Variants in DOCK1 observed in about 807,000 individuals in gnomAD.
DOCK1 encodes the protein dedicator of cytokinesis protein 1.
DOCK1 carries 138 observed loss-of-function variants against 262.7 expected under a neutral mutation model. That is an observed-to-expected ratio of 0.53 (90% CI 0.46 to 0.61). The LOEUF (loss-of-function observed/expected upper bound fraction) is 0.61, where lower values mean the gene tolerates loss of function less well. DOCK1 is among the 20% of genes least tolerant of loss of function. DOCK1 has a pLI of 0.00. For synonymous variants in DOCK1, 866 were observed against 867.4 expected (o/e 1.00, Z 0.03); for missense variants, 1,908 against 2,370.7 (o/e 0.80, Z 4.05).
rs1275288378 is a variant in DOCK1 at position 127,032,099 on chromosome 10, TG to T, written c.1729-37del. Reference sequence around the variant, plus strand: ...GGCAAAAATGGTGTGTTGCTGTTTGTGAATTGCCTTTGACATACGGCATGAC... The same window carrying T: ...GGCAAAAATGGTGTGTTGCTGTTTGTAATTGCCTTTGACATACGGCATGAC... On this transcript the variant is annotated intron_variant, in intron 17 of 51. Coordinates refer to ENST00000623213, the MANE Select transcript of DOCK1 (RefSeq NM_001290223.2). The T allele has an allele frequency of 2.6e-6, 4 of 1,561,492 alleles. No homozygotes were observed. The Admixed American group carries it at 5.8e-5, about 23-fold the overall frequency.
chr10:127,061,578 C>A, intron 22 of DOCK1, 90 bp from the exon 23 acceptor site: 1 of 1,089,892 alleles, frequency 9.2e-7, no homozygotes, highest in Admixed American at 2.1e-5. Context: ...ACTTGTCACC[C>A]AAGTGATTCC....
chr10:127,368,755 C>T (rs557387433), intron 33 of DOCK1, among the ~76,000 whole-genome samples: 57 of 152,176 alleles, frequency 3.7e-4, no homozygotes, highest in Admixed American at 9.2e-4. Context: ...TCCCGTGGAC[C>T]GCACTCCAAG....
chr10:127,160,137 GAAAA>G (rs200473636), intron 27 of DOCK1, among the ~76,000 whole-genome samples: 1 of 128,504 alleles, frequency 7.8e-6, no homozygotes, highest in Non-Finnish European at 1.7e-5. Context: ...GGTCAGGAAA[GAAAA>G]AAAAAAAAAA....
At chr10:127,090,794 C>T (rs74158611) in intron 23 of DOCK1, among the ~76,000 whole-genome samples, 2,139 of 152,180 alleles carry the variant, frequency 0.014, 62 homozygotes, top group African/African-American at 0.048. Flanking sequence ...TTAGTATATT[C>T]TCAGGGTTCA....
At chr10:127,202,023 A>G (rs1218456143) in intron 27 of DOCK1, among the ~76,000 whole-genome samples, 1 of 152,114 alleles carries the variant, frequency 6.6e-6, no homozygotes, top group Non-Finnish European at 1.5e-5. Context: ...ACTTCTGATC[A>G]GAACTAGGGC....
intron 12 of DOCK1, among the ~76,000 whole-genome samples, chr10:127,018,317 T>C (rs908315691): frequency 3.9e-5 from 6 of 152,214 alleles, no homozygotes; most frequent in Non-Finnish European, 7.3e-5. Flanking sequence ...CCCCTGCCTT[T>C]GTCTTTCCTG....
intron 44 of DOCK1, among the ~76,000 whole-genome samples, chr10:127,417,246 T>C (rs930159716): frequency 1.3e-5 from 2 of 152,184 alleles, no homozygotes; most frequent in Admixed American, 6.5e-5. Context: ...CGTGGCCCAG[T>C]GTGAGGAGGA....
chr10:127,362,884 C>T lies in DOCK1; in HGVS notation c.3432+672C>T, dbSNP rs866888745. On this transcript the variant is annotated intron_variant, in intron 33 of 51. Coordinates refer to ENST00000623213, the MANE Select transcript of DOCK1 (RefSeq NM_001290223.2). ...ATCCCCACACACACACATACACATC[C>T]CCACACACACACACATGTACATCTC... Among the ~76,000 whole-genome samples, 512 of 145,034 alleles carry T rather than the reference C, an allele frequency of 3.5e-3. 3 individuals are homozygous for T. The highest frequency in any genetic ancestry group is 3.8e-3 in the East Asian group (19 of 5,036).
intron 23 of DOCK1, among the ~76,000 whole-genome samples, chr10:127,078,907 G>C (rs970917399): frequency 2.6e-5 from 4 of 152,136 alleles, no homozygotes; most frequent in African/African-American, 7.2e-5. Context: ...TAAAGACAGC[G>C]TGTTGGGAGC....
intron 33 of DOCK1, among the ~76,000 whole-genome samples, chr10:127,367,710 T>G (rs1393332567): frequency 1.3e-5 from 2 of 152,202 alleles, no homozygotes; most frequent in African/African-American, 4.8e-5. Flanking sequence ...CACTGTGGGC[T>G]GGGTCCATAG....
At chr10:127,190,554 A>G (rs2056646862) in intron 27 of DOCK1, among the ~76,000 whole-genome samples, 2 of 119,172 alleles carry the variant, frequency 1.7e-5, no homozygotes. Context: ...CTCCTATTTC[A>G]AAGTATTTCT....
At chr10:127,225,634 C>T (rs530075969) in intron 27 of DOCK1, among the ~76,000 whole-genome samples, 64 of 152,260 alleles carry the variant, frequency 4.2e-4, no homozygotes, top group African/African-American at 1.5e-3. Flanking sequence ...GGAATAATAG[C>T]GAGAAGCTAG....
At chr10:126,933,835 A>G (rs1381884856) in intron 1 of DOCK1, among the ~76,000 whole-genome samples, 3 of 151,914 alleles carry the variant, frequency 2.0e-5, no homozygotes, top group Non-Finnish European at 4.4e-5. Flanking sequence ...TTTTTTTGAG[A>G]CAGAGTTTCG....
chr10:127,250,316 C>T lies in DOCK1; in HGVS notation c.2949+2207C>T, dbSNP rs536720142. ...CAAGGTAAGTGAAAAGCGATGATGC[C>T]GAATGGCATTTAAAAATTACTGTAG... On this transcript the variant is annotated intron_variant, in intron 28 of 51. Transcript: ENST00000623213. Among the ~76,000 whole-genome samples, 3 of 152,182 alleles carry T rather than the reference C, an allele frequency of 2.0e-5. No homozygotes were observed. In the East Asian group the frequency reaches 5.8e-4, roughly 29 times the overall value.
At chr10:127,088,389 C>A (rs1184161186) in intron 23 of DOCK1, among the ~76,000 whole-genome samples, 2 of 152,138 alleles carry the variant, frequency 1.3e-5, no homozygotes, top group Non-Finnish European at 2.9e-5. Flanking sequence ...TAGATATACC[C>A]TTAGAAATTA....
At chr10:127,298,033 C>A (rs538410870) in intron 29 of DOCK1, among the ~76,000 whole-genome samples, 1 of 152,072 alleles carries the variant, frequency 6.6e-6, no homozygotes, top group African/African-American at 2.4e-5. Context: ...TTATTCCCAC[C>A]ACGTGTAATA....
chr10:127,237,812 C>T (rs74401971), intron 27 of DOCK1, among the ~76,000 whole-genome samples: 4,154 of 152,222 alleles, frequency 0.027, 170 homozygotes, highest in African/African-American at 0.091. Context: ...ATATTTGTAA[C>T]ATTGTGTCTT....
At chr10:127,218,731 C>G (rs912615589) in intron 27 of DOCK1, among the ~76,000 whole-genome samples, 1 of 152,176 alleles carries the variant, frequency 6.6e-6, no homozygotes, top group East Asian at 1.9e-4. Context: ...GTATTAAGGT[C>G]TGTCTTAGTT....
chr10:126,976,838 A>G (rs1321563552), intron 2 of DOCK1, among the ~76,000 whole-genome samples: 2 of 152,038 alleles, frequency 1.3e-5, no homozygotes, highest in Non-Finnish European at 2.9e-5. Context: ...GGTTTAAGCA[A>G]TTCTCCTGCC....
Sources: allele counts gnomAD v4.1 joint callset (sites outside exome capture counted in the v4.1 genomes callset), GRCh38; gene constraint gnomAD v4.1.1; transcripts MANE v1.5; gene names NCBI Gene and HGNC (gene_info 2026-07-23, HGNC 2026-07-21).